CADPS: variants seen among roughly 807,000 people sequenced by gnomAD.
CADPS encodes the protein calcium dependent secretion activator.
Under a neutral mutation model 167.3 loss-of-function variants are expected in CADPS, and 57 were observed. The ratio of observed to expected loss-of-function variants is 0.34; its 90% CI spans 0.28 to 0.42. The LOEUF (loss-of-function observed/expected upper bound fraction) is 0.42, where lower values mean the gene tolerates loss of function less well. Ranked by LOEUF, CADPS falls within the 20% of genes least tolerant of loss-of-function variation. The pLI, the probability that CADPS is intolerant of heterozygous loss-of-function variation, is 1.00. For missense variants in CADPS, 1,414 were observed against 1,738.1 expected, an observed-to-expected ratio of 0.81 and a Z score of 3.32; for synonymous variants, 676 against 635.3, an observed-to-expected ratio of 1.06 and a Z score of -0.96.
chr3:62,638,594 A>G (rs2066802432), intron 6 of CADPS, among the ~76,000 whole-genome samples: 1 of 152,136 alleles, frequency 6.6e-6, no homozygotes, highest in Admixed American at 6.6e-5. Flanking sequence ...CTTGTTTCAT[A>G]GCTACACAAG....
At position 62,412,883 on chromosome 3, in the gene CADPS, G is replaced by T. The variant is rs369417911; in HGVS notation, c.3778-9698C>A. The stretch of plus-strand genomic sequence containing the variant: ...GGGAATTTTTAGCTAGCCAAAGCCA[G>T]AATACAAGTAAGTATGTTGCTTCTG... On this transcript the variant is annotated intron_variant, in intron 28 of 29. Transcript: ENST00000383710. This position sits in a 1 kb window ranked among gnomAD's most constrained non-coding sequence, Gnocchi z 4.1. Among the ~76,000 whole-genome samples, 15 of 152,136 alleles carry T rather than the reference G, an allele frequency of 9.9e-5. No homozygotes were observed. Among genetic ancestry groups the T allele is most frequent in the African/African-American group, 3.6e-4 (15 of 41,420 alleles).
intron 6 of CADPS, among the ~76,000 whole-genome samples, chr3:62,639,540 G>T (rs948280848): frequency 3.3e-5 from 5 of 152,098 alleles, no homozygotes; most frequent in African/African-American, 1.2e-4. Flanking sequence ...AACTTCAAAG[G>T]TCGTATCTGT....
At chr3:62,623,225 C>A (rs139339444) in intron 6 of CADPS, among the ~76,000 whole-genome samples, 18 of 152,204 alleles carry the variant, frequency 1.2e-4, no homozygotes, top group African/African-American at 3.6e-4. Flanking sequence ...CTGTGGCTCT[C>A]CCCAGAGCTG....
chr3:62,523,458 T>C (rs2071250828), intron 13 of CADPS, among the ~76,000 whole-genome samples: 1 of 152,206 alleles, frequency 6.6e-6, no homozygotes, highest in South Asian at 2.1e-4. Context: ...AAATTGTCAC[T>C]ACACACCCAG....
intron 3 of CADPS, among the ~76,000 whole-genome samples, chr3:62,686,275 A>G (rs2078018166): frequency 6.6e-6 from 1 of 152,090 alleles, no homozygotes; most frequent in Non-Finnish European, 1.5e-5. Context: ...AACACTTCAG[A>G]GGCATAAAAT....
intron 1 of CADPS, among the ~76,000 whole-genome samples, chr3:62,786,344 T>C (rs532873039): frequency 1.3e-5 from 2 of 152,072 alleles, no homozygotes; most frequent in Non-Finnish European, 2.9e-5. Context: ...GATGTGAGGA[T>C]GTACCCATAT....
intron 23 of CADPS, among the ~76,000 whole-genome samples, chr3:62,474,768 A>C (rs1200692240): frequency 6.6e-6 from 1 of 152,214 alleles, no homozygotes; most frequent in African/African-American, 2.4e-5. Context: ...AAAATCTTAA[A>C]TGATGTTTAT....
At chr3:62,744,012 A>G (rs2080895163) in intron 3 of CADPS, among the ~76,000 whole-genome samples, 1 of 152,198 alleles carries the variant, frequency 6.6e-6, no homozygotes, top group Admixed American at 6.5e-5. Context: ...GCTTGCTTTG[A>G]AGTCTTGAAA....
chr3:62,646,708 G>T (rs992775042), intron 5 of CADPS, among the ~76,000 whole-genome samples: 6 of 152,194 alleles, frequency 3.9e-5, no homozygotes, highest in Non-Finnish European at 8.8e-5. Context: ...ACAACCCGTT[G>T]TTGCCTTGTC....
chr3:62,451,556 T>G (rs2058050407), intron 26 of CADPS, among the ~76,000 whole-genome samples: 1 of 151,616 alleles, frequency 6.6e-6, no homozygotes, highest in South Asian at 2.1e-4. Flanking sequence ...GAAAGAAGTC[T>G]GAACAGATAC....
intron 1 of CADPS, among the ~76,000 whole-genome samples, chr3:62,806,342 G>A (rs1008172268): frequency 2.1e-5 from 3 of 142,020 alleles, no homozygotes; most frequent in African/African-American, 8.0e-5. Context: ...GGGCAACATA[G>A]CAAGACCTCG....
intron 3 of CADPS, among the ~76,000 whole-genome samples, chr3:62,682,585 G>C (rs2077320046): frequency 6.6e-6 from 1 of 152,000 alleles, no homozygotes; most frequent in African/African-American, 2.4e-5. Flanking sequence ...AAGCTGAGAG[G>C]TTAGGAAACT....
chr3:62,513,884 T>C (rs949449097), intron 16 of CADPS, among the ~76,000 whole-genome samples: 1 of 152,008 alleles, frequency 6.6e-6, no homozygotes, highest in Non-Finnish European at 1.5e-5. Context: ...GGATTAACCA[T>C]TCAGCATGCC....
intron 5 of CADPS, among the ~76,000 whole-genome samples, chr3:62,650,090 T>C (rs539787658): frequency 1.5e-4 from 23 of 152,338 alleles, no homozygotes; most frequent in African/African-American, 3.8e-4. Context: ...TTATTGGGTA[T>C]CTGACAGTGG....
Position 62,499,260 on chromosome 3 carries a change from C to A in CADPS, c.2608G>T (p.Gly870Cys). 1 of 1,609,826 alleles carries A rather than the reference C, an allele frequency of 6.2e-7. No homozygotes were observed. The highest frequency in any genetic ancestry group is 1.3e-5 in the African/African-American group (1 of 74,920). Reference protein sequence around the residue: ...EENQKDAENVGRLITPAKKLE... With the variant: ...EENQKDAENVCRLITPAKKLE... Reference sequence around the variant, plus strand: ...TTTTTGGCAGGAGTGATTAACCGGCCTACATTTTCTGTAGTACAAGAGTTT... The same window carrying A: ...TTTTTGGCAGGAGTGATTAACCGGCATACATTTTCTGTAGTACAAGAGTTT... The change falls in exon 18 of 30, where the codon GGC becomes TGC. Residue 870 changes from glycine (G) to cysteine (C), a missense_variant. Gly to Cys is a radical substitution (Grantham distance 159). This residue lies in a region of CADPS where 529 missense variants were observed against 629.6 expected (regional missense o/e 0.84). Transcript: ENST00000383710.
chr3:62,431,532 A>ATT (rs78659106), intron 28 of CADPS, among the ~76,000 whole-genome samples: 8 of 142,620 alleles, frequency 5.6e-5, no homozygotes, highest in East Asian at 2.0e-4. Flanking sequence ...ATTCAGCTTG[A>ATT]TTTTTTTTTT....
chr3:62,846,836 T>G (rs2077524100), intron 1 of CADPS, among the ~76,000 whole-genome samples: 1 of 151,954 alleles, frequency 6.6e-6, no homozygotes, highest in Non-Finnish European at 1.5e-5. Flanking sequence ...TACTAAAAAT[T>G]TTTGTATTTT....
chr3:62,548,631 G>A (rs1055737169), intron 11 of CADPS, among the ~76,000 whole-genome samples: 4 of 152,234 alleles, frequency 2.6e-5, no homozygotes, highest in African/African-American at 7.2e-5. Flanking sequence ...CCTCTATTTA[G>A]TAGTTACAGC....
At chr3:62,485,381 T>A (rs2062658566) in intron 21 of CADPS, among the ~76,000 whole-genome samples, 1 of 152,210 alleles carries the variant, frequency 6.6e-6, no homozygotes, top group African/African-American at 2.4e-5. Flanking sequence ...GTACATCATC[T>A]TTCCCAGCAT....
Sources: gnomAD v4.1 joint callset for allele counts (sites outside exome capture counted in the v4.1 genomes callset) on GRCh38, gnomAD v4.1.1 for gene constraint, gnomAD v4.1.1 regional missense constraint, Gnocchi (gnomAD v3.1) non-coding constraint, MANE v1.5 for transcripts, NCBI Gene and HGNC (gene_info 2026-07-23, HGNC 2026-07-21) for gene names.